FAM120A: variants seen among roughly 807,000 people sequenced by gnomAD.
FAM120A encodes the protein constitutive coactivator of PPAR-gamma-like protein 1.
In FAM120A, 15 loss-of-function variants were observed where a neutral mutation model predicts 109.7. The observed-to-expected ratio is 0.14, with a 90% CI of 0.09 to 0.21. The LOEUF (loss-of-function observed/expected upper bound fraction) is 0.21. Ranked by LOEUF, FAM120A falls within the 10% of genes least tolerant of loss-of-function variation. The pLI, the probability that FAM120A is intolerant of heterozygous loss-of-function variation, is 1.00. For synonymous variants in FAM120A, 493 were observed against 572.8 expected (o/e 0.86, Z 1.99); for missense variants, 899 against 1,439.3 (o/e 0.62, Z 6.07).
intron 12 of FAM120A, among the ~76,000 whole-genome samples, chr9:93,554,363 C>T (rs1432380184): frequency 1.3e-5 from 2 of 152,138 alleles, no homozygotes; most frequent in South Asian, 2.1e-4. Context: ...TTGGCACCAG[C>T]CCGTTCCTAA....
chr9:93,479,202 C>G (rs1858690298), intron 3 of FAM120A, among the ~76,000 whole-genome samples: 1 of 147,416 alleles, frequency 6.8e-6, no homozygotes, highest in Non-Finnish European at 1.5e-5. Context: ...GGTTTCATGC[C>G]ATTCTCCTGC....
In FAM120A at chr9:93,564,583, A is replaced by G. The variant is rs186146666; in HGVS notation, c.*43A>G. 944 of 1,493,844 alleles carry G rather than the reference A, an allele frequency of 6.3e-4. 8 individuals carry two copies. The East Asian group carries it at 0.019, about 30-fold the overall frequency. 92.5% of individuals were successfully genotyped at this position (1,493,844 alleles called of 1,614,324 possible). A position where few individuals can be genotyped will look rare whatever the true frequency, so the allele number is the denominator to read the frequency against. On this transcript the variant is annotated 3_prime_UTR_variant, in exon 18 of 18. Transcript: ENST00000277165. ...GGTGAAGGATGCTGGAAGGGTAAGG[A>G]TTTAGGAATATCTGGAGAGAAAGAG...
intron 3 of FAM120A, among the ~76,000 whole-genome samples, chr9:93,479,464 T>C (rs1858703837): frequency 6.6e-6 from 1 of 152,122 alleles, no homozygotes; most frequent in Non-Finnish European, 1.5e-5. Context: ...GGCAAAATAG[T>C]ACAAATATAA....
intron 17 of FAM120A, 65 bp downstream of exon 17, chr9:93,562,369 G>C: frequency 8.0e-7 from 1 of 1,252,436 alleles, no homozygotes; most frequent in Admixed American, 1.7e-5. Flanking sequence ...GTCTGAGCTT[G>C]CACTTCTAGT....
At chr9:93,562,821 C>A (rs1450435105) in intron 17 of FAM120A, among the ~76,000 whole-genome samples, 1 of 152,002 alleles carries the variant, frequency 6.6e-6, no homozygotes, top group Non-Finnish European at 1.5e-5. Context: ...TGTGCCACGA[C>A]ACTCGGCTAA....
intron 10 of FAM120A, among the ~76,000 whole-genome samples, chr9:93,542,591 CTCTG>C (rs1861743875): frequency 6.6e-6 from 1 of 152,206 alleles, no homozygotes; most frequent in Non-Finnish European, 1.5e-5. Flanking sequence ...TAACTTTACA[CTCTG>C]TCTGAAGTCT....
At chr9:93,520,432 C>T (rs1468598127) in intron 7 of FAM120A, among the ~76,000 whole-genome samples, 4 of 152,128 alleles carry the variant, frequency 2.6e-5, no homozygotes, top group African/African-American at 2.4e-5. Flanking sequence ...AGTTGTTCAC[C>T]GTCACTAAGA....
At chr9:93,475,953 GACA>G (rs1243559735) in intron 2 of FAM120A, among the ~76,000 whole-genome samples, 1 of 152,166 alleles carries the variant, frequency 6.6e-6, no homozygotes, top group Non-Finnish European at 1.5e-5. Context: ...TTGATATCCT[GACA>G]TTGTCAGACT....
chr9:93,524,637 C>T (rs1000774950), intron 7 of FAM120A, among the ~76,000 whole-genome samples: 14 of 141,380 alleles, frequency 9.9e-5, no homozygotes, highest in African/African-American at 3.4e-4. Context: ...CTGTCTGTAG[C>T]GTCGGCTCGG....
chr9:93,544,282 T>C (rs1381083257), intron 11 of FAM120A, among the ~76,000 whole-genome samples: 1 of 152,216 alleles, frequency 6.6e-6, no homozygotes, highest in East Asian at 1.9e-4. Context: ...TCAGGCACGC[T>C]TTGTGTTTCC....
In FAM120A at chr9:93,529,378, C is replaced by T. The variant is rs765529575; in HGVS notation, c.1532C>T (p.Ser511Leu). The T allele has an allele frequency of 5.0e-6, 8 of 1,610,572 alleles. No homozygotes were observed. The highest frequency in any genetic ancestry group is 6.8e-6 in the Non-Finnish European group (8 of 1,178,224). The change falls in exon 9 of 18, where the codon TCA becomes TTA. Residue 511 changes from serine to leucine, a missense_variant. Around this residue, in one of 11 missense-constraint regions of FAM120A, gnomAD observed 57 missense variants for 52.9 expected, o/e 1.08. Transcript: ENST00000277165. ...GCAGAAGGCTCGTCCACTGCCTCTT[C>T]AGGAAGCCAACTAGCCGAAGGCAAG... ...TKAEGSSTAS[S>L]GSQLAEGKGS...
At chr9:93,554,061 TATAA>T (rs1277977871) in intron 12 of FAM120A, among the ~76,000 whole-genome samples, 8 of 149,648 alleles carry the variant, frequency 5.3e-5, no homozygotes, top group African/African-American at 1.7e-4. Flanking sequence ...ATCTTGAAAC[TATAA>T]ATAACATTTA....
At chr9:93,535,861 G>A (rs551159438) in intron 10 of FAM120A, among the ~76,000 whole-genome samples, 1 of 152,344 alleles carries the variant, frequency 6.6e-6, no homozygotes, top group South Asian at 2.1e-4. Flanking sequence ...ATTGAGTAAT[G>A]TGCACAGTGT....
At chr9:93,531,716 A>G (rs1305561058) in intron 9 of FAM120A, among the ~76,000 whole-genome samples, 2 of 152,240 alleles carry the variant, frequency 1.3e-5, no homozygotes, top group Non-Finnish European at 2.9e-5. Context: ...AAATTTGACC[A>G]TTATATTTTC....
At chr9:93,526,312 A>T (rs1861079803) in intron 7 of FAM120A, among the ~76,000 whole-genome samples, 1 of 152,234 alleles carries the variant, frequency 6.6e-6, no homozygotes, top group Non-Finnish European at 1.5e-5. Flanking sequence ...GTAAACCCAT[A>T]TACTACAAGT....
intron 10 of FAM120A, 54 bp from the exon 11 acceptor site, chr9:93,543,166 CTG>C (rs2131517579): frequency 6.3e-7 from 1 of 1,579,838 alleles, no homozygotes; most frequent in African/African-American, 1.3e-5. Flanking sequence ...TTTGTTAAGA[CTG>C]AAAGCAGGTG....
chr9:93,513,542 C>T (rs1860434301), intron 5 of FAM120A, among the ~76,000 whole-genome samples: 1 of 152,196 alleles, frequency 6.6e-6, no homozygotes, highest in South Asian at 2.1e-4. Context: ...TCATTATTCC[C>T]AGCTTCTCAT....
At chr9:93,493,494 C>T (rs983904139) in intron 3 of FAM120A, among the ~76,000 whole-genome samples, 1 of 152,224 alleles carries the variant, frequency 6.6e-6, no homozygotes, top group African/African-American at 2.4e-5. Context: ...ATTTGATAAA[C>T]AGTACCTTAC....
rs530376508 is a variant in FAM120A, at chr9:93,489,943, C to A, written c.805-7528C>A. Among the ~76,000 whole-genome samples, 5 of 152,276 alleles carry A rather than the reference C, an allele frequency of 3.3e-5. No individual in the cohort carries two copies. The South Asian group carries it at 8.3e-4, about 25-fold the overall frequency. On this transcript the variant is annotated intron_variant, in intron 3 of 17. Transcript: ENST00000277165. ...CTTGGGGACTACACTTTGAGCTTTGCCCACATTGGATGACCAAGGAAGCAT... is the reference window on the plus strand; with the variant it reads ...CTTGGGGACTACACTTTGAGCTTTGACCACATTGGATGACCAAGGAAGCAT...
Sources: allele counts gnomAD v4.1 joint callset (sites outside exome capture counted in the v4.1 genomes callset), GRCh38; gene constraint gnomAD v4.1.1; regional missense constraint gnomAD v4.1.1; transcripts MANE v1.5; gene names NCBI Gene and HGNC (gene_info 2026-07-23, HGNC 2026-07-21).